Variants in N4BP2 observed in about 807,000 individuals in gnomAD.
N4BP2 encodes NEDD4 binding protein 2.
A neutral mutation model predicts 152.8 loss-of-function variants in N4BP2; 91 were observed. That is an observed-to-expected ratio of 0.60 (90% CI 0.50 to 0.71). N4BP2 has a LOEUF of 0.71. Ranked by LOEUF, N4BP2 falls within the 30% of genes least tolerant of loss-of-function variation. N4BP2 has a pLI of 0.00. For missense variants in N4BP2, 1,923 were observed against 2,059.1 expected, an observed-to-expected ratio of 0.93 and a Z score of 1.28; for synonymous variants, 646 against 705.3, an observed-to-expected ratio of 0.92 and a Z score of 1.33.
intron 14 of N4BP2, chr4:40,142,368 T>G: frequency 3.2e-6 from 1 of 309,818 alleles, no homozygotes; most frequent in Non-Finnish European, 6.2e-6. Context: ...ACCTCCATTT[T>G]GAGACTGAAC....
intron 16 of N4BP2, among the ~76,000 whole-genome samples, chr4:40,148,214 C>T (rs1000112863): frequency 1.3e-5 from 2 of 152,220 alleles, no homozygotes; most frequent in East Asian, 1.9e-4. Context: ...CTCGGGAGGC[C>T]GAGGCTGGCA....
chr4:40,070,377 C>A, intron 1 of N4BP2, among the ~76,000 whole-genome samples: 1 of 152,134 alleles, frequency 6.6e-6, no homozygotes, highest in East Asian at 1.9e-4. Flanking sequence ...AAAAGGAGGA[C>A]ATTCTCCCTA....
At chr4:40,099,789 G>A (rs897286969) in intron 3 of N4BP2, among the ~76,000 whole-genome samples, 2 of 151,566 alleles carry the variant, frequency 1.3e-5, no homozygotes, top group South Asian at 2.1e-4. Context: ...TTTACTTAGT[G>A]TAATTTTTCA....
At chr4:40,075,096 C>T (rs1458432593) in intron 2 of N4BP2, among the ~76,000 whole-genome samples, 1 of 151,864 alleles carries the variant, frequency 6.6e-6, no homozygotes, top group Non-Finnish European at 1.5e-5. Flanking sequence ...TATTTGTGCA[C>T]CTGTTTTATG....
the N4BP2 span, among the ~76,000 whole-genome samples, chr4:40,182,212 G>A: frequency 6.6e-6 from 1 of 152,202 alleles, no homozygotes; most frequent in Non-Finnish European, 1.5e-5. Context: ...TACAGTAAAG[G>A]CTTTTCAGGC....
At chr4:40,108,381 C>A (rs1008613765) in intron 5 of N4BP2, among the ~76,000 whole-genome samples, 1 of 151,530 alleles carries the variant, frequency 6.6e-6, no homozygotes, top group South Asian at 2.1e-4. Flanking sequence ...GGCGTGATCT[C>A]GGCTCAGTGC....
intron 14 of N4BP2, among the ~76,000 whole-genome samples, chr4:40,139,933 G>A (rs1719761959): frequency 6.7e-6 from 1 of 150,130 alleles, no homozygotes; most frequent in African/African-American, 2.5e-5. Flanking sequence ...CTGAGTAGCT[G>A]GGACTACAGG....
chr4:40,146,679 C>T (rs1427536832), intron 16 of N4BP2, among the ~76,000 whole-genome samples: 2 of 152,106 alleles, frequency 1.3e-5, no homozygotes, highest in African/African-American at 4.8e-5. Flanking sequence ...GGGATGAGAA[C>T]ACCTATGACT....
At chr4:40,162,779 C>G (rs534574193), downstream of N4BP2, among the ~76,000 whole-genome samples, 4 of 152,208 alleles carry the variant, frequency 2.6e-5, no homozygotes, top group Admixed American at 6.5e-5. Flanking sequence ...AGAATTGGCT[C>G]CTGTAATTTT....
chr4:40,126,323 A>G lies in N4BP2; in HGVS notation c.4520A>G (p.His1507Arg). The change falls in exon 12 of 18, where the codon CAT becomes CGT. Residue 1507 changes from histidine (H) to arginine (R), a missense_variant. Coordinates refer to ENST00000261435, the MANE Select transcript of N4BP2 (RefSeq NM_018177.6). The part of the protein sequence containing the change: ...MSEEIALQEK[H>R]NLKRETLMFE... Reference sequence around the variant, plus strand: ...GAAGAAATTGCCTTACAGGAAAAACATAATTTGGTATGAATTAATATAAAT... The same window carrying G: ...GAAGAAATTGCCTTACAGGAAAAACGTAATTTGGTATGAATTAATATAAAT... The G allele has an allele frequency of 1.4e-6, 2 of 1,469,290 alleles. No individual in the cohort carries two copies. Among genetic ancestry groups the G allele is most frequent in the East Asian group, 2.3e-5 (1 of 42,576 alleles). The allele number at this position is 1,469,290 out of a possible 1,614,324, so 91.0% of individuals were successfully genotyped here.
chr4:40,078,489 T>C (rs574866634), intron 2 of N4BP2, among the ~76,000 whole-genome samples: 18 of 151,796 alleles, frequency 1.2e-4, no homozygotes, highest in African/African-American at 3.9e-4. Context: ...TTGCGTATGG[T>C]GGCATAGCAA....
At chr4:40,077,776 T>C (rs574859508) in intron 2 of N4BP2, 2 of 152,328 alleles carry the variant, frequency 1.3e-5, no homozygotes, top group South Asian at 2.1e-4. Flanking sequence ...TTGATTGTTA[T>C]AGAGATCTGT....
intron 13 of N4BP2, among the ~76,000 whole-genome samples, chr4:40,133,629 C>T (rs185356389): frequency 1.1e-4 from 16 of 152,272 alleles, no homozygotes; most frequent in Admixed American, 9.2e-4. Context: ...AGCCACCTCC[C>T]CTGGCCAATT....
chr4:40,188,748 A>T, the N4BP2 span, among the ~76,000 whole-genome samples: 7 of 53,220 alleles, frequency 1.3e-4, no homozygotes, highest in Admixed American at 2.1e-4. Context: ...CCATCTCAAA[A>T]AAAAAAAAAA....
intron 11 of N4BP2, 99 bp from the exon 12 acceptor site, chr4:40,126,035 A>G (rs1317129632): frequency 2.8e-6 from 2 of 717,760 alleles, no homozygotes; most frequent in East Asian, 6.0e-5. Flanking sequence ...AAATTAAAAA[A>G]CTGTTTCCTT....
intron 16 of N4BP2, among the ~76,000 whole-genome samples, chr4:40,149,383 G>A (rs1159864131): frequency 6.6e-6 from 1 of 152,166 alleles, no homozygotes; most frequent in East Asian, 1.9e-4. Flanking sequence ...TGTAAATCTA[G>A]AGAGACAAAA....
the N4BP2 span, among the ~76,000 whole-genome samples, chr4:40,176,824 C>T: frequency 6.6e-6 from 1 of 152,228 alleles, no homozygotes; most frequent in African/African-American, 2.4e-5. Context: ...AGGGAGGAAC[C>T]TGGCCCCTCC....
At chr4:40,183,737 C>G in the N4BP2 span, among the ~76,000 whole-genome samples, 1 of 152,190 alleles carries the variant, frequency 6.6e-6, no homozygotes, top group African/African-American at 2.4e-5. Context: ...GAGTAATGAA[C>G]TGTGGCTTAG....
At chr4:40,172,029 C>T in the N4BP2 span, among the ~76,000 whole-genome samples, 2 of 152,286 alleles carry the variant, frequency 1.3e-5, no homozygotes, top group East Asian at 3.9e-4. Flanking sequence ...GCCTCAGCCT[C>T]CTCAGTAGCT....
Sources: allele counts gnomAD v4.1 joint callset (sites outside exome capture counted in the v4.1 genomes callset), GRCh38; gene constraint gnomAD v4.1.1; transcripts MANE v1.5; gene names NCBI Gene and HGNC (gene_info 2026-07-23, HGNC 2026-07-21).